Variants in DGKB observed in about 807,000 individuals in gnomAD.
DGKB encodes the protein diacylglycerol kinase beta.
A neutral mutation model predicts 114.3 loss-of-function variants in DGKB; 67 were observed. That is an observed-to-expected ratio of 0.59 (90% CI 0.48 to 0.72). The LOEUF is 0.72. Ranked by LOEUF, DGKB falls within the 30% of genes least tolerant of loss-of-function variation. The pLI is 0.00. For synonymous variants in DGKB, 398 were observed against 323.1 expected, an observed-to-expected ratio of 1.23 and a Z score of -2.49; for missense variants, 907 against 975.2, an observed-to-expected ratio of 0.93 and a Z score of 0.93.
chr7:14,799,068 A>C (rs1385155879), intron 2 of DGKB, among the ~76,000 whole-genome samples: 1 of 152,232 alleles, frequency 6.6e-6, no homozygotes, highest in African/African-American at 2.4e-5. Context: ...AAGACAGATG[A>C]ACTTTGGAGA....
intron 25 of DGKB, among the ~76,000 whole-genome samples, chr7:14,157,604 C>T (rs576196118): frequency 3.7e-4 from 56 of 152,210 alleles, no homozygotes; most frequent in African/African-American, 8.7e-4. Flanking sequence ...GACTATTTGG[C>T]CACATTGCAT....
At chr7:14,713,640 T>G (rs1235147156) in intron 6 of DGKB, among the ~76,000 whole-genome samples, 1 of 151,576 alleles carries the variant, frequency 6.6e-6, no homozygotes, top group Non-Finnish European at 1.5e-5. Flanking sequence ...TGGTCTTTTT[T>G]TTTTTTTCAT....
rs34032120 is a variant in DGKB, at chr7:14,258,320, G to GAGA, written c.2123-80172_2123-80170dup. On this transcript the variant is annotated intron_variant, in intron 23 of 25. Transcript: ENST00000402815. ...CATGCTTGGAGAAGGTATTTTGGAT[G>GAGA]AGAAGAATATAGATTAGTTTTGTTT... Among the ~76,000 whole-genome samples the GAGA allele has an allele frequency of 2.9e-3, 446 of 152,266 alleles. 3 individuals carry two copies. The highest frequency in any genetic ancestry group is 0.01 in the African/African-American group (427 of 41,556).
intron 21 of DGKB, among the ~76,000 whole-genome samples, chr7:14,349,916 G>A (rs1040206087): frequency 2.0e-5 from 3 of 152,100 alleles, no homozygotes; most frequent in Admixed American, 2.0e-4. Flanking sequence ...AATGGTCACA[G>A]CAAAGTCAAA....
At chr7:14,402,532 C>A (rs767612660) in intron 21 of DGKB, among the ~76,000 whole-genome samples, 8 of 151,828 alleles carry the variant, frequency 5.3e-5, no homozygotes, top group Non-Finnish European at 2.9e-5. Flanking sequence ...GTCAAATTTG[C>A]TACTCTGTTT....
chr7:14,246,394 G>A (rs2128379343), intron 23 of DGKB, among the ~76,000 whole-genome samples: 1 of 152,268 alleles, frequency 6.6e-6, no homozygotes, highest in East Asian at 1.9e-4. Context: ...CAGCTGGTAA[G>A]TGAAGGAGCC....
At chr7:14,363,677 A>G (rs1031904993) in intron 21 of DGKB, among the ~76,000 whole-genome samples, 1 of 152,068 alleles carries the variant, frequency 6.6e-6, no homozygotes, top group African/African-American at 2.4e-5. Flanking sequence ...CTCTTATATT[A>G]AAAAAAGAAA....
chr7:14,426,892 T>TA (rs35537454), intron 21 of DGKB, among the ~76,000 whole-genome samples: 67,682 of 149,008 alleles, frequency 0.45, 15,316 homozygotes, highest in East Asian at 0.53. Flanking sequence ...CCATCTCTAC[T>TA]AAAAAAAAAA....
chr7:14,838,213 C>T (rs1179799711), intron 2 of DGKB, among the ~76,000 whole-genome samples: 1 of 152,106 alleles, frequency 6.6e-6, no homozygotes, highest in African/African-American at 2.4e-5. Flanking sequence ...CAATGAAATA[C>T]AAGTAGCAGC....
intron 21 of DGKB, among the ~76,000 whole-genome samples, chr7:14,387,309 A>G (rs1820537778): frequency 6.7e-6 from 1 of 149,194 alleles, no homozygotes; most frequent in Non-Finnish European, 1.5e-5. Context: ...CCTACTCAGG[A>G]GGCTGAGGCA....
chr7:14,642,743 T>TA (rs1812055134), intron 13 of DGKB, among the ~76,000 whole-genome samples: 1 of 152,214 alleles, frequency 6.6e-6, no homozygotes, highest in Non-Finnish European at 1.5e-5. Flanking sequence ...GGCACAAACT[T>TA]ACTACATTTT....
chr7:14,562,280 C>G (rs1302035046), intron 20 of DGKB, among the ~76,000 whole-genome samples: 4 of 152,328 alleles, frequency 2.6e-5, no homozygotes, highest in Admixed American at 6.5e-5. Flanking sequence ...AAGTTTGCTA[C>G]AGGGGTGGGG....
chr7:14,542,589 T>C (rs565366637), intron 20 of DGKB, among the ~76,000 whole-genome samples: 4 of 152,266 alleles, frequency 2.6e-5, no homozygotes, highest in Admixed American at 6.5e-5. Context: ...ACCTGAACCA[T>C]CCTGTAGCTG....
chr7:14,269,554 T>C (rs1476634454), intron 23 of DGKB, among the ~76,000 whole-genome samples: 2 of 152,168 alleles, frequency 1.3e-5, no homozygotes, highest in Non-Finnish European at 2.9e-5. Context: ...AATTCACTAT[T>C]TCCCTGACTC....
intron 21 of DGKB, among the ~76,000 whole-genome samples, chr7:14,472,796 T>C (rs915355431): frequency 6.6e-6 from 1 of 152,218 alleles, no homozygotes; most frequent in South Asian, 2.1e-4. Context: ...AGATGACTTG[T>C]TATGTTTTAG....
At chr7:14,478,497 C>G (rs1356967422) in intron 20 of DGKB, among the ~76,000 whole-genome samples, 1 of 152,030 alleles carries the variant, frequency 6.6e-6, no homozygotes, top group African/African-American at 2.4e-5. Flanking sequence ...ATTTCTATAT[C>G]TCCTTTAATG....
In DGKB at chr7:14,580,919, CA is replaced by C; in HGVS notation, c.1551del (p.Ala518ArgfsTer11). On this transcript the variant is annotated frameshift_variant, in exon 19 of 26. Transcript: ENST00000402815. LOFTEE classifies it high-confidence loss of function. ...EKANVGKHPP[V>X]AILPLGTGND... ...TTGCCAGTCCCAAGAGGCAGAATCGCAACTGGAGGATGCTTGCCTACATTGG... is the reference window on the plus strand; with the variant it reads ...TTGCCAGTCCCAAGAGGCAGAATCGCACTGGAGGATGCTTGCCTACATTGG... 1 of 1,604,172 alleles carries C rather than the reference CA, an allele frequency of 6.2e-7. No individual in the cohort carries two copies. Among genetic ancestry groups the C allele is most frequent in the Non-Finnish European group, 8.5e-7 (1 of 1,173,368 alleles).
At chr7:14,313,091 C>T (rs1019389393) in intron 23 of DGKB, among the ~76,000 whole-genome samples, 1 of 152,282 alleles carries the variant, frequency 6.6e-6, no homozygotes, top group Non-Finnish European at 1.5e-5. Context: ...CTATATTTCA[C>T]ATTGCAAGTA....
chr7:14,449,987 G>A (rs1043841935), intron 21 of DGKB, among the ~76,000 whole-genome samples: 3 of 151,860 alleles, frequency 2.0e-5, no homozygotes, highest in Non-Finnish European at 4.4e-5. Context: ...TTAAATTAGT[G>A]TACTTTGCTT....
Sources: gnomAD v4.1 joint callset for allele counts (sites outside exome capture counted in the v4.1 genomes callset) on GRCh38, gnomAD v4.1.1 for gene constraint, MANE v1.5 for transcripts, NCBI Gene and HGNC (gene_info 2026-07-23, HGNC 2026-07-21) for gene names.